The following ANKRD36C variants were observed in gnomAD, a reference collection of about 807,000 sequenced individuals.
ANKRD36C encodes the protein ankyrin repeat domain-containing protein 36C.
ANKRD36C carries 61 observed loss-of-function variants against 276.4 expected under a neutral mutation model. The observed-to-expected ratio is 0.22, with a 90% CI of 0.18 to 0.27. The LOEUF (loss-of-function observed/expected upper bound fraction) is 0.27, where lower values mean the gene tolerates loss of function less well. ANKRD36C is among the 10% of genes least tolerant of loss of function. The pLI, the probability that ANKRD36C is intolerant of heterozygous loss-of-function variation, is 1.00. For missense variants in ANKRD36C, 1,447 were observed against 2,032.3 expected (o/e 0.71, Z 5.54); for synonymous variants, 483 against 680.1 (o/e 0.71, Z 4.51).
chr2:95,968,963 C>T (rs1318273175), intron 6 of ANKRD36C, among the ~76,000 whole-genome samples: 6 of 152,188 alleles, frequency 3.9e-5, no homozygotes, highest in African/African-American at 1.4e-4. Context: ...CTTCCATGTC[C>T]TCCCAGGGCA....
chr2:95,852,704 A>G (rs1474164828), intron 64 of ANKRD36C: 1 of 152,398 alleles, frequency 6.6e-6, no homozygotes, highest in African/African-American at 2.4e-5. Context: ...GTATGTATGC[A>G]TTTAGTTTTA....
At chr2:95,931,203 T>A (rs576263094) in intron 24 of ANKRD36C, among the ~76,000 whole-genome samples, 1 of 151,874 alleles carries the variant, frequency 6.6e-6, no homozygotes, top group Admixed American at 6.6e-5. Context: ...AAATGTTAAA[T>A]ATGTCAGACA....
At chr2:95,914,934 C>T (rs1677048468) in intron 38 of ANKRD36C, among the ~76,000 whole-genome samples, 1 of 151,412 alleles carries the variant, frequency 6.6e-6, no homozygotes, top group Admixed American at 6.6e-5. Context: ...ACTAGTTTAG[C>T]CTTCCAAACG....
At chr2:95,929,816 T>C (rs1677516819) in intron 24 of ANKRD36C, among the ~76,000 whole-genome samples, 2 of 151,424 alleles carry the variant, frequency 1.3e-5, no homozygotes, top group Admixed American at 1.3e-4. Flanking sequence ...GTTTGGTGAA[T>C]TCTAGTATGT....
chr2:95,931,139 G>T (rs924510585), intron 24 of ANKRD36C, among the ~76,000 whole-genome samples: 1 of 151,572 alleles, frequency 6.6e-6, no homozygotes, highest in Non-Finnish European at 1.5e-5. Context: ...ACTGTATTGT[G>T]ACATCTGTAC....
At chr2:95,880,480 T>G (rs755557276) in exon 58 of ANKRD36C, 20 of 1,552,804 alleles carry the variant, frequency 1.3e-5, no homozygotes, top group Non-Finnish European at 1.7e-6. Flanking sequence ...CAGAACAGAA[T>G]TTTTATTTTC....
intron 6 of ANKRD36C, 35 bp from the exon 7 acceptor site, chr2:95,962,582 G>A (rs1384015995): frequency 6.3e-7 from 1 of 1,593,636 alleles, no homozygotes; most frequent in South Asian, 1.1e-5. Context: ...TCAATCATAG[G>A]TAAATATGAT....
intron 14 of ANKRD36C, 84 bp from the exon 15 acceptor site, chr2:95,951,492 CAGGA>C: frequency 1.1e-6 from 1 of 941,136 alleles, no homozygotes. Context: ...CGTGATCTAA[CAGGA>C]AAAGTATGGA....
intron 6 of ANKRD36C, among the ~76,000 whole-genome samples, chr2:95,973,999 T>TATG (rs1678753717): frequency 2.0e-5 from 3 of 151,444 alleles, no homozygotes; most frequent in Non-Finnish European, 4.4e-5. Context: ...TGCAGTGAGC[T>TATG]ATGATCACAC....
chr2:95,861,279 C>T (rs1041288827), intron 60 of ANKRD36C, among the ~76,000 whole-genome samples: 3 of 150,846 alleles, frequency 2.0e-5, no homozygotes, highest in Non-Finnish European at 3.0e-5. Flanking sequence ...GAAATAAACA[C>T]AAATTAGAGA....
intron 50 of ANKRD36C, 102 bp from the exon 71 acceptor site, chr2:95,886,346 TTAGTG>T: frequency 3.0e-6 from 3 of 1,011,326 alleles, no homozygotes; most frequent in Non-Finnish European, 4.3e-6. Flanking sequence ...TCTGCAGTTA[TTAGTG>T]TAGGCTTTGA....
In ANKRD36C at chr2:95,962,507, A is replaced by C; in HGVS notation, c.828+12T>G. On this transcript the variant is annotated intron_variant, in intron 7 of 66. Coordinates refer to ENST00000456556, the Ensembl canonical transcript of ANKRD36C. ...AGTTAATAGTTCAAAACAGAAATGA[A>C]TGTGTAATTACCTTCAAGGCTGGTT... 1.2e-6 allele frequency: 2 copies of C among 1,600,898 alleles called. No homozygotes were observed. Among genetic ancestry groups the C allele is most frequent in the Non-Finnish European group, 8.5e-7 (1 of 1,178,252 alleles).
chr2:95,943,111 T>C (rs1289260876), intron 19 of ANKRD36C, among the ~76,000 whole-genome samples: 1 of 152,298 alleles, frequency 6.6e-6, no homozygotes, highest in Non-Finnish European at 1.5e-5. Flanking sequence ...AAGTAATAAT[T>C]TATTTCTTTA....
intron 44 of ANKRD36C, among the ~76,000 whole-genome samples, chr2:95,894,944 C>T (rs1213697342): frequency 6.7e-6 from 1 of 149,944 alleles, no homozygotes; most frequent in East Asian, 2.0e-4. Context: ...CCTCACAATC[C>T]GTCTTCATTC....
chr2:95,881,222 T>G (rs1166702943), intron 56 of ANKRD36C, among the ~76,000 whole-genome samples: 1 of 152,112 alleles, frequency 6.6e-6, no homozygotes, highest in Non-Finnish European at 1.5e-5. Flanking sequence ...TGTAATAATC[T>G]GCCTACATTT....
chr2:95,850,749 G>A (rs1358781166), downstream of ANKRD36C, among the ~76,000 whole-genome samples: 1 of 152,260 alleles, frequency 6.6e-6, no homozygotes, highest in Admixed American at 6.5e-5. Context: ...TCAAGTGACT[G>A]CTTGTGACCT....
intron 59 of ANKRD36C, among the ~76,000 whole-genome samples, chr2:95,870,639 C>T (rs1359994789): frequency 6.6e-6 from 1 of 152,184 alleles, no homozygotes; most frequent in Admixed American, 6.5e-5. Context: ...CAGTTCCTCA[C>T]CAGCAACAGA....
At chr2:95,873,445 A>T (rs1675862832) in intron 59 of ANKRD36C, among the ~76,000 whole-genome samples, 1 of 152,230 alleles carries the variant, frequency 6.6e-6, no homozygotes, top group South Asian at 2.1e-4. Flanking sequence ...GATGCAGAAA[A>T]GGCCTTTGAC....
At position 95,980,634 on chromosome 2, in the gene ANKRD36C, A is replaced by G; in HGVS notation, c.731+14T>C. 1 of 1,608,014 alleles carries G rather than the reference A, an allele frequency of 6.2e-7. No individual in the cohort carries two copies. Among genetic ancestry groups the G allele is most frequent in the Non-Finnish European group, 8.5e-7 (1 of 1,177,030 alleles). On this transcript the variant is annotated intron_variant, in intron 5 of 66. Coordinates refer to ENST00000456556, the Ensembl canonical transcript of ANKRD36C. Reference sequence around the variant, plus strand: ...CAATTTAGTGTTCATTAGCCTTTTTATGTAAAGACTTACACTCTGTTCTTA... The same window carrying G: ...CAATTTAGTGTTCATTAGCCTTTTTGTGTAAAGACTTACACTCTGTTCTTA...
Sources: gnomAD v4.1 joint callset for allele counts (sites outside exome capture counted in the v4.1 genomes callset) on GRCh38, gnomAD v4.1.1 for gene constraint, MANE v1.5 for transcripts, NCBI Gene and HGNC (gene_info 2026-07-23, HGNC 2026-07-21) for gene names.